RABGAP1: variants seen among roughly 807,000 people sequenced by gnomAD.
RABGAP1 encodes the protein rab GTPase-activating protein 1.
In RABGAP1, 23 loss-of-function variants were observed where a neutral mutation model predicts 137.6. That is an observed-to-expected ratio of 0.17 (90% CI 0.12 to 0.24). The LOEUF (loss-of-function observed/expected upper bound fraction) is 0.24. Ranked by LOEUF, RABGAP1 falls within the 10% of genes least tolerant of loss-of-function variation. The pLI is 1.00. For missense variants in RABGAP1, 906 were observed against 1,275.8 expected, an observed-to-expected ratio of 0.71 and a Z score of 4.42; for synonymous variants, 451 against 450.7, an observed-to-expected ratio of 1.00 and a Z score of -0.01.
At chr9:122,969,251 A>G (rs963099904) in intron 2 of RABGAP1, among the ~76,000 whole-genome samples, 1 of 152,232 alleles carries the variant, frequency 6.6e-6, no homozygotes, top group South Asian at 2.1e-4. Flanking sequence ...GCTATACCAT[A>G]CAGCCTAGTT....
rs1208292794 is a variant in RABGAP1, at chr9:123,058,056, G to GAGGGGGAA, written c.1795-7285_1795-7284insAAGGGGGA. On this transcript the variant is annotated intron_variant, in intron 13 of 25. Coordinates refer to ENST00000373647, the MANE Select transcript of RABGAP1 (RefSeq NM_012197.4). The stretch of plus-strand genomic sequence containing the variant: ...AGGGAGACCGTGGAAAGAGAGGGGA[G>GAGGGGGAA]AGGGGGAGAGGGGGAGGAGGGAGAG... Among the ~76,000 whole-genome samples the GAGGGGGAA allele has an allele frequency of 1.4e-4, 20 of 147,742 alleles. No homozygotes were observed. The East Asian group carries it at 4.0e-3, about 30-fold the overall frequency.
At chr9:123,033,237 C>A (rs1378905951) in intron 13 of RABGAP1, among the ~76,000 whole-genome samples, 2 of 152,134 alleles carry the variant, frequency 1.3e-5, no homozygotes, top group African/African-American at 4.8e-5. Context: ...AGTTAACATA[C>A]TTCCTTTCTT....
At chr9:123,018,631 C>A (rs2031407572) in intron 12 of RABGAP1, among the ~76,000 whole-genome samples, 1 of 152,208 alleles carries the variant, frequency 6.6e-6, no homozygotes, top group South Asian at 2.1e-4. Flanking sequence ...TCTTTCTGCT[C>A]ATAACTTTTC....
chr9:123,085,615 G>A (rs11793023), intron 19 of RABGAP1, among the ~76,000 whole-genome samples: 6,260 of 152,316 alleles, frequency 0.041, 202 homozygotes, highest in Middle Eastern at 0.065. Context: ...GTGAACAGCG[G>A]GTATGATTCA....
chr9:122,944,331 G>T (rs1456056514), intron 1 of RABGAP1, among the ~76,000 whole-genome samples: 1 of 151,378 alleles, frequency 6.6e-6, no homozygotes, highest in Non-Finnish European at 1.5e-5. Context: ...CTGGGCACCA[G>T]TGATCCTCCT....
At chr9:122,995,488 G>A (rs1836967030) in intron 6 of RABGAP1, among the ~76,000 whole-genome samples, 1 of 151,670 alleles carries the variant, frequency 6.6e-6, no homozygotes, top group Non-Finnish European at 1.5e-5. Context: ...AGAAAATTAA[G>A]GTTATGTTTT....
chr9:123,099,528 G>A lies in RABGAP1; in HGVS notation c.2868G>A (p.Lys956=), dbSNP rs1166744983. 1 of 1,612,252 alleles carries A rather than the reference G, an allele frequency of 6.2e-7. No homozygotes were observed. Among genetic ancestry groups the A allele is most frequent in the Non-Finnish European group, 8.5e-7 (1 of 1,178,496 alleles). Residue 956 remains lysine, a synonymous_variant, in exon 24 of 26, where the codon AAG becomes AAA. Transcript: ENST00000373647. ...TGGAGAAGCAGCAGACAGCCAATAA[G>A]GTGGAAATTGAGAAAATTCGGGTAA... The part of the protein sequence containing the change: ...ERLEKQQTAN[K]VEIEKIRQKV...
intron 6 of RABGAP1, among the ~76,000 whole-genome samples, chr9:122,991,963 CA>C (rs1836746363): frequency 6.6e-6 from 1 of 152,022 alleles, no homozygotes; most frequent in African/African-American, 2.4e-5. Flanking sequence ...TCCTGCCCTG[CA>C]AAGTGAAAAT....
chr9:123,052,568 A>G (rs1321509431), intron 13 of RABGAP1, among the ~76,000 whole-genome samples: 5 of 152,212 alleles, frequency 3.3e-5, no homozygotes, highest in Non-Finnish European at 5.9e-5. Flanking sequence ...CTCTGTCTTC[A>G]TGAAGCTTAA....
At chr9:123,061,997 G>A (rs1221915446) in intron 13 of RABGAP1, 1 of 152,224 alleles carries the variant, frequency 6.6e-6, no homozygotes, top group African/African-American at 2.4e-5. Context: ...ATGGCCGGGT[G>A]TGGTAGCTTA....
intron 19 of RABGAP1, among the ~76,000 whole-genome samples, chr9:123,079,399 A>T (rs2034637009): frequency 6.6e-6 from 1 of 151,618 alleles, no homozygotes; most frequent in Non-Finnish European, 1.5e-5. Flanking sequence ...CACCATGCCC[A>T]GCCACTTTTT....
At chr9:122,986,930 CCAGCCTGGG>C (rs1355173930) in intron 4 of RABGAP1, among the ~76,000 whole-genome samples, 6 of 152,138 alleles carry the variant, frequency 3.9e-5, no homozygotes, top group African/African-American at 7.2e-5. Context: ...GGGTTCGAGA[CCAGCCTGGG>C]CAGCCTGGGC....
At chr9:123,088,388 TA>T (rs576017212) in intron 19 of RABGAP1, among the ~76,000 whole-genome samples, 22 of 152,200 alleles carry the variant, frequency 1.4e-4, no homozygotes, top group African/African-American at 3.1e-4. Context: ...GTTTTTTTTT[TA>T]ATCACTTTTC....
chr9:123,020,519 T>A, intron 13 of RABGAP1, 60 bp downstream of exon 13: 1 of 1,356,102 alleles, frequency 7.4e-7, no homozygotes, highest in Non-Finnish European at 9.7e-7. Context: ...GATGAAAAGA[T>A]CATTATAGTT....
At chr9:122,945,126 A>G (rs562179988) in intron 1 of RABGAP1, among the ~76,000 whole-genome samples, 47 of 73,542 alleles carry the variant, frequency 6.4e-4, no homozygotes, top group Middle Eastern at 0.027. Flanking sequence ...GAAAAACACC[A>G]TGTATACATC....
intron 13 of RABGAP1, among the ~76,000 whole-genome samples, chr9:123,045,534 ATAAAGT>A (rs919485779): frequency 6.6e-5 from 10 of 152,210 alleles, no homozygotes; most frequent in African/African-American, 1.4e-4. Context: ...AACACTGGAA[ATAAAGT>A]TAAAACAAAA....
intron 13 of RABGAP1, among the ~76,000 whole-genome samples, chr9:123,048,502 C>T (rs181274973): frequency 6.6e-5 from 10 of 152,238 alleles, no homozygotes; most frequent in African/African-American, 1.9e-4. Flanking sequence ...TAGCATACAA[C>T]GCTTTACAAA....
intron 10 of RABGAP1, among the ~76,000 whole-genome samples, chr9:123,004,283 A>T (rs982969393): frequency 2.6e-5 from 4 of 152,010 alleles, no homozygotes; most frequent in African/African-American, 9.7e-5. Flanking sequence ...AATATCCTGT[A>T]TCTCAACAAC....
At chr9:122,982,353 G>C (rs1023572740) in intron 2 of RABGAP1, among the ~76,000 whole-genome samples, 10 of 152,108 alleles carry the variant, frequency 6.6e-5, no homozygotes, top group Non-Finnish European at 1.2e-4. Context: ...GTATAAACAT[G>C]TTTTCTTTTA....
Sources: allele counts gnomAD v4.1 joint callset (sites outside exome capture counted in the v4.1 genomes callset), GRCh38; gene constraint gnomAD v4.1.1; transcripts MANE v1.5; gene names NCBI Gene and HGNC (gene_info 2026-07-23, HGNC 2026-07-21).